SMCO4: variants seen among roughly 807,000 people sequenced by gnomAD.
SMCO4 encodes the protein single-pass membrane and coiled-coil domain-containing protein 4.
SMCO4 carries 4 observed loss-of-function variants against 3.6 expected under a neutral mutation model. The observed-to-expected ratio is 1.11, with a 90% CI of 0.54 to 2.53. SMCO4 has a LOEUF of 2.53. Ranked by LOEUF, SMCO4 falls within the 30% of genes most tolerant of loss-of-function variation. SMCO4 has a pLI of 0.02. For missense variants in SMCO4, 70 were observed against 80.8 expected, an observed-to-expected ratio of 0.87 and a Z score of 0.51; for synonymous variants, 36 against 35.3, an observed-to-expected ratio of 1.02 and a Z score of -0.07.
chr11:93,504,046 G>A (rs189364189), intron 1 of SMCO4, among the ~76,000 whole-genome samples: 1 of 152,280 alleles, frequency 6.6e-6, no homozygotes, highest in African/African-American at 2.4e-5. Flanking sequence ...TCTGAAGAAG[G>A]ATTATGGGTA....
At chr11:93,496,146 G>T (rs1948769461) in intron 2 of SMCO4, among the ~76,000 whole-genome samples, 1 of 152,152 alleles carries the variant, frequency 6.6e-6, no homozygotes, top group Non-Finnish European at 1.5e-5. Context: ...ATTGCTCTGG[G>T]TCCAAATTGA....
At chr11:93,515,241 C>A (rs531699222) in intron 1 of SMCO4, among the ~76,000 whole-genome samples, 8 of 152,260 alleles carry the variant, frequency 5.3e-5, no homozygotes, top group Non-Finnish European at 1.0e-4. Context: ...GTTATTGGCA[C>A]CATTTGTTTC....
chr11:93,480,000 A>T lies in SMCO4; in HGVS notation c.-80-731T>A, dbSNP rs573117028. 3.3e-5 allele frequency among the ~76,000 whole-genome samples: 5 copies of T among 152,308 alleles called. No homozygotes were observed. The East Asian group carries it at 9.7e-4, about 29-fold the overall frequency. ...CACTCAACCTGGGATTCTCCTGTTAATTCTGTAGCTCACGGAGGTGCCTAA... is the reference window on the plus strand; with the variant it reads ...CACTCAACCTGGGATTCTCCTGTTATTTCTGTAGCTCACGGAGGTGCCTAA... On this transcript the variant is annotated intron_variant, in intron 2 of 2. Transcript: ENST00000298966.
intron 1 of SMCO4, among the ~76,000 whole-genome samples, chr11:93,516,811 A>G (rs1949011927): frequency 6.6e-6 from 1 of 152,048 alleles, no homozygotes; most frequent in African/African-American, 2.4e-5. Flanking sequence ...AAAAGAAAAA[A>G]AAGTAGAGAG....
intron 1 of SMCO4, among the ~76,000 whole-genome samples, chr11:93,528,880 CAA>C (rs1021801951): frequency 2.0e-5 from 3 of 152,192 alleles, no homozygotes; most frequent in Non-Finnish European, 4.4e-5. Flanking sequence ...CAGAGCCCAG[CAA>C]AGATGCCAGG....
rs188543839 is a variant in SMCO4, at chr11:93,528,928, C to T, written c.-154+14348G>A. 3.9e-5 allele frequency among the ~76,000 whole-genome samples: 6 copies of T among 152,206 alleles called. No homozygotes were observed. In the East Asian group the frequency reaches 5.8e-4, roughly 15 times the overall value. ...AATACATCCTGTCCATCAACAAGTA[C>T]GTATTTACTAGATGTTGGGGGCATG... On this transcript the variant is annotated intron_variant, in intron 1 of 2. Coordinates refer to ENST00000298966, the MANE Select transcript of SMCO4 (RefSeq NM_020179.3).
At chr11:93,510,299 G>A (rs1176649828) in intron 1 of SMCO4, among the ~76,000 whole-genome samples, 2 of 152,164 alleles carry the variant, frequency 1.3e-5, no homozygotes, top group African/African-American at 2.4e-5. Context: ...AAATGTCAAG[G>A]TTTCAACAAT....
chr11:93,506,878 T>C (rs1948909348), intron 1 of SMCO4, among the ~76,000 whole-genome samples: 2 of 152,056 alleles, frequency 1.3e-5, no homozygotes, highest in Non-Finnish European at 2.9e-5. Context: ...CAGGCCAGAG[T>C]GCGGTGGTTG....
At chr11:93,548,334 A>G (rs372068458), upstream of SMCO4, among the ~76,000 whole-genome samples, 3 of 152,100 alleles carry the variant, frequency 2.0e-5, no homozygotes, top group East Asian at 3.9e-4. Flanking sequence ...TTCCATTCCC[A>G]CTCCCAAAAT....
intron 1 of SMCO4, among the ~76,000 whole-genome samples, chr11:93,530,697 CT>C (rs1250020233): frequency 1.3e-5 from 2 of 152,178 alleles, no homozygotes; most frequent in Non-Finnish European, 2.9e-5. Context: ...TCAAATTGTA[CT>C]GTCCCTACAC....
chr11:93,497,269 T>G (rs1198645914), intron 2 of SMCO4, among the ~76,000 whole-genome samples: 1 of 152,196 alleles, frequency 6.6e-6, no homozygotes, highest in Non-Finnish European at 1.5e-5. Context: ...CTGCCTTGAC[T>G]GATAGAAACC....
At chr11:93,492,664 G>C (rs779992743) in intron 2 of SMCO4, among the ~76,000 whole-genome samples, 1 of 152,208 alleles carries the variant, frequency 6.6e-6, no homozygotes, top group Non-Finnish European at 1.5e-5. Context: ...GAGGGTGCCA[G>C]GGAAGGGCAT....
At chr11:93,515,885 C>T (rs1419329746) in intron 1 of SMCO4, among the ~76,000 whole-genome samples, 1 of 152,182 alleles carries the variant, frequency 6.6e-6, no homozygotes, top group Non-Finnish European at 1.5e-5. Context: ...TCCAAAGACA[C>T]CTATCCATCA....
chr11:93,479,750 G>C (rs1257233421), intron 2 of SMCO4, among the ~76,000 whole-genome samples: 3 of 152,190 alleles, frequency 2.0e-5, no homozygotes, highest in Non-Finnish European at 2.9e-5. Context: ...TAAGGCTGCA[G>C]AGAGCCCACA....
chr11:93,532,319 T>G (rs941626312), intron 1 of SMCO4, among the ~76,000 whole-genome samples: 4 of 152,262 alleles, frequency 2.6e-5, no homozygotes, highest in Admixed American at 2.6e-4. Flanking sequence ...CTACATCATC[T>G]GGGTGTTTCC....
chr11:93,538,503 A>C (rs76046234), intron 1 of SMCO4, among the ~76,000 whole-genome samples: 1 of 152,144 alleles, frequency 6.6e-6, no homozygotes, highest in South Asian at 2.1e-4. Flanking sequence ...ATCCAACTTC[A>C]TTCTCTGCGA....
At chr11:93,514,430 GTC>G (rs1293136538) in intron 1 of SMCO4, among the ~76,000 whole-genome samples, 3 of 82,150 alleles carry the variant, frequency 3.7e-5, no homozygotes, top group African/African-American at 1.5e-4. Flanking sequence ...ATAAAATTTG[GTC>G]TCTTCCAAAG....
rs554427697 is a variant in SMCO4 at position 93,505,403 on chromosome 11, T to C, written c.-153-6055A>G. 1.2e-4 allele frequency among the ~76,000 whole-genome samples: 19 copies of C among 152,312 alleles called. No homozygotes were observed. In the South Asian group the frequency reaches 3.7e-3, roughly 30 times the overall value. Reference sequence around the variant, plus strand: ...CTGTTTTTTTTCACTTGCTATTGTATTACCCAACCTAGCAGTGTCTAACTT... The same window carrying C: ...CTGTTTTTTTTCACTTGCTATTGTACTACCCAACCTAGCAGTGTCTAACTT... On this transcript the variant is annotated intron_variant, in intron 1 of 2. Transcript: ENST00000298966.
chr11:93,537,464 ACTT>A (rs1333319172), intron 1 of SMCO4, among the ~76,000 whole-genome samples: 37 of 152,234 alleles, frequency 2.4e-4, no homozygotes, highest in African/African-American at 7.9e-4. Flanking sequence ...CTAAATATAT[ACTT>A]CTTCTTTCTG....
Sources: gnomAD v4.1 joint callset for allele counts (sites outside exome capture counted in the v4.1 genomes callset) on GRCh38, gnomAD v4.1.1 for gene constraint, MANE v1.5 for transcripts, NCBI Gene and HGNC (gene_info 2026-07-23, HGNC 2026-07-21) for gene names.